Variants in AFDN observed in about 807,000 individuals in gnomAD.
The protein encoded by AFDN is afadin, adherens junction formation factor, also known as afadin.
AFDN carries 68 observed loss-of-function variants against 216.6 expected under a neutral mutation model. The ratio of observed to expected loss-of-function variants is 0.31; its 90% CI spans 0.26 to 0.38. The LOEUF (loss-of-function observed/expected upper bound fraction) is 0.38. AFDN is among the 10% of genes least tolerant of loss of function. AFDN has a pLI of 1.00. For synonymous variants in AFDN, 868 were observed against 853.7 expected (o/e 1.02, Z -0.29); for missense variants, 2,136 against 2,342.0 (o/e 0.91, Z 1.82).
At chr6:167,969,264 C>G in intron 33 of AFDN, 66 bp downstream of exon 33, 1 of 1,215,548 alleles carries the variant, frequency 8.2e-7, no homozygotes, top group Non-Finnish European at 1.2e-6. Context: ...CTCTTCACGA[C>G]ACCTTGAGAT....
At position 167,965,988 on chromosome 6, in the gene AFDN, A is replaced by G; in HGVS notation, c.5200A>G (p.Thr1734Ala). 6.4e-7 allele frequency: 1 copy of G among 1,550,430 alleles called. No homozygotes were observed. Among genetic ancestry groups the G allele is most frequent in the Admixed American group, 2.0e-5 (1 of 50,948 alleles). The change falls in exon 32 of 34, where the codon ACT becomes GCT. Residue 1734 changes from threonine (T) to alanine (A), a missense_variant. Around this residue, in one of 8 missense-constraint regions of AFDN, gnomAD observed 981 missense variants for 966.0 expected, o/e 1.02. Coordinates refer to ENST00000683244, the MANE Select transcript of AFDN (RefSeq NM_001386888.1). Reference sequence around the variant, plus strand: ...GGTCCTCTCCCCCGACTCGCTGTTCACTGCCAAGTTTGTTGCATACAATGA... The same window carrying G: ...GGTCCTCTCCCCCGACTCGCTGTTCGCTGCCAAGTTTGTTGCATACAATGA... ...TQVLSPDSLF[T>A]AKFVAYNEEE...
chr6:167,902,189 G>T, intron 11 of AFDN, 128 bp from the exon 12 acceptor site: 2 of 641,954 alleles, frequency 3.1e-6, no homozygotes, highest in East Asian at 3.1e-5. Context: ...TTCGTGTGCT[G>T]AAAACAGAGC....
At chr6:167,943,324 C>T in intron 24 of AFDN, 78 bp from the exon 25 acceptor site, 7 of 1,443,790 alleles carry the variant, frequency 4.8e-6, no homozygotes, top group South Asian at 1.1e-5. Context: ...AGAGTATCTA[C>T]TCATCATTAC....
intron 2 of AFDN, among the ~76,000 whole-genome samples, chr6:167,866,443 G>A (rs886211144): frequency 6.6e-6 from 1 of 152,106 alleles, no homozygotes; most frequent in Non-Finnish European, 1.5e-5. Context: ...TAATGGCACC[G>A]CTAGGCCAGA....
chr6:167,956,238 A>G (rs1368718895), intron 30 of AFDN, among the ~76,000 whole-genome samples: 1 of 152,060 alleles, frequency 6.6e-6, no homozygotes, highest in East Asian at 1.9e-4. Context: ...AAGGGCAAAT[A>G]TGTGACTATA....
chr6:167,964,258 A>G, intron 31 of AFDN: 2 of 1,064,158 alleles, frequency 1.9e-6, no homozygotes, highest in Non-Finnish European at 2.3e-6. Context: ...AAAATGTGCC[A>G]TTCATTTGTT....
chr6:167,927,023 A>G lies in AFDN; in HGVS notation c.3099+1932A>G, dbSNP rs1167777864. Among the ~76,000 whole-genome samples, 4 of 152,230 alleles carry G rather than the reference A, an allele frequency of 2.6e-5. No individual in the cohort carries two copies. The East Asian group carries it at 7.7e-4, about 29-fold the overall frequency. ...TATTTAAAATAACACATTACCAGCT[A>G]TATTAGCACAACTCTCACTGAATTA... is the stretch of plus-strand genomic sequence containing the variant. On this transcript the variant is annotated intron_variant, in intron 23 of 33. Transcript: ENST00000683244.
intron 23 of AFDN, among the ~76,000 whole-genome samples, chr6:167,940,211 A>G (rs1416391220): frequency 3.9e-4 from 56 of 142,756 alleles, no homozygotes; most frequent in African/African-American, 4.5e-4. Flanking sequence ...AGACACAGAG[A>G]GATGTAGGGG....
At chr6:167,884,765 G>A (rs1786563606) in intron 6 of AFDN, among the ~76,000 whole-genome samples, 1 of 152,124 alleles carries the variant, frequency 6.6e-6, no homozygotes, top group Non-Finnish European at 1.5e-5. Context: ...AGGTAAGTGA[G>A]CATTGGCCTC....
chr6:167,870,249 A>C, intron 2 of AFDN, 137 bp from the exon 3 acceptor site: 1 of 544,628 alleles, frequency 1.8e-6, no homozygotes, highest in East Asian at 3.0e-5. Context: ...AAATGATTTT[A>C]CATTTTGAAC....
intron 1 of AFDN, among the ~76,000 whole-genome samples, chr6:167,852,911 A>G (rs1200280049): frequency 6.6e-6 from 1 of 152,042 alleles, no homozygotes; most frequent in Non-Finnish European, 1.5e-5. Flanking sequence ...TTTTGATATG[A>G]GTTAGTCTTT....
intron 4 of AFDN, among the ~76,000 whole-genome samples, chr6:167,873,808 G>A (rs1157471593): frequency 6.6e-6 from 1 of 152,142 alleles, no homozygotes; most frequent in Non-Finnish European, 1.5e-5. Context: ...TGTTGGAGTG[G>A]CCTGTCCAAG....
chr6:167,827,778 A>C (rs1245112143), intron 1 of AFDN: 1 of 152,126 alleles, frequency 6.6e-6, no homozygotes, highest in Non-Finnish European at 1.5e-5. Context: ...CTGATGGCAC[A>C]GGCCCGGAGT....
intron 1 of AFDN, among the ~76,000 whole-genome samples, chr6:167,860,908 G>T (rs964177556): frequency 6.6e-6 from 1 of 152,116 alleles, no homozygotes; most frequent in African/African-American, 2.4e-5. Flanking sequence ...GTTTCTTCTG[G>T]AACTTTTCTT....
intron 13 of AFDN, among the ~76,000 whole-genome samples, chr6:167,909,836 A>C (rs532434022): frequency 6.6e-6 from 1 of 152,210 alleles, no homozygotes; most frequent in Non-Finnish European, 1.5e-5. Context: ...TCTTACTGTC[A>C]ATTTAAATTT....
intron 8 of AFDN, among the ~76,000 whole-genome samples, chr6:167,891,408 GGTGTGTGTGTGT>G (rs71004178): frequency 2.8e-5 from 2 of 72,050 alleles, no homozygotes; most frequent in East Asian, 2.6e-4. Context: ...TAAAGGGGTG[GGTGTGTGTGTGT>G]GTGTGTGTGT....
At chr6:167,914,865 C>A in intron 18 of AFDN, 127 bp downstream of exon 18, 1 of 694,900 alleles carries the variant, frequency 1.4e-6, no homozygotes, top group Non-Finnish European at 2.4e-6. Flanking sequence ...GTTTGGCAAT[C>A]TTTAATAAAT....
Position 167,952,038 on chromosome 6 carries a change from G to A in AFDN, c.4684G>A (p.Asp1562Asn). 3.1e-6 allele frequency: 5 copies of A among 1,614,118 alleles called. No homozygotes were observed. Among genetic ancestry groups the A allele is most frequent in the Non-Finnish European group, 4.2e-6 (5 of 1,180,018 alleles). The change falls in exon 30 of 34, where the codon GAC becomes AAC. Residue 1562 changes from aspartate (D) to asparagine (N), a missense_variant. Asp to Asn is a conservative substitution (Grantham distance 23, BLOSUM62 1). This residue lies in a region of AFDN where 981 missense variants were observed against 966.0 expected (regional missense o/e 1.02). Transcript: ENST00000683244. Reference sequence around the variant, plus strand: ...ACCGGACCGCAGCGCCGAGGAGAGCGACCGGCTGCGCAAGCTCATGCTGGA... The same window carrying A: ...ACCGGACCGCAGCGCCGAGGAGAGCAACCGGCTGCGCAAGCTCATGCTGGA... ...SKPDRSAEES[D>N]RLRKLMLEWQ... is the part of the protein sequence containing the mutation.
chr6:167,961,656 A>G lies in AFDN; in HGVS notation c.4834-777A>G, dbSNP rs183191497. On this transcript the variant is annotated intron_variant, in intron 30 of 33. Transcript: ENST00000683244. ...GACCAAAAAGAGAAACAATGAGGTAATGAATTGTTAACATAAGAACTTCTT... is the reference window on the plus strand; with the variant it reads ...GACCAAAAAGAGAAACAATGAGGTAGTGAATTGTTAACATAAGAACTTCTT... 2.0e-5 allele frequency among the ~76,000 whole-genome samples: 3 copies of G among 152,342 alleles called. No individual in the cohort carries two copies. In the East Asian group the frequency reaches 5.8e-4, roughly 29 times the overall value.
Sources: gnomAD v4.1 joint callset for allele counts (sites outside exome capture counted in the v4.1 genomes callset) on GRCh38, gnomAD v4.1.1 for gene constraint, gnomAD v4.1.1 regional missense constraint, MANE v1.5 for transcripts, NCBI Gene and HGNC (gene_info 2026-07-23, HGNC 2026-07-21) for gene names.